Variants in LOC400499 observed in about 807,000 individuals in gnomAD.
At chr16:11,427,297 G>A in the LOC400499 span, among the ~76,000 whole-genome samples, 1 of 134,790 alleles carries the variant, frequency 7.4e-6, no homozygotes, top group Non-Finnish European at 1.5e-5. Flanking sequence ...GCGGTAAGCT[G>A]AGATGGCGCC....
the LOC400499 span, among the ~76,000 whole-genome samples, chr16:11,377,853 A>G: frequency 1.3e-5 from 2 of 152,236 alleles, no homozygotes; most frequent in South Asian, 4.1e-4. Flanking sequence ...TTGGAAGAAT[A>G]TGAGCAGGAT....
chr16:11,496,460 T>C, the LOC400499 span, among the ~76,000 whole-genome samples: 1 of 152,262 alleles, frequency 6.6e-6, no homozygotes, highest in Non-Finnish European at 1.5e-5. Context: ...GGTGTGAACA[T>C]AAGCATCTGT....
chr16:11,500,700 A>G, the LOC400499 span: 1 of 396,896 alleles, frequency 2.5e-6, no homozygotes, highest in South Asian at 1.4e-4. Flanking sequence ...TGCTTATCCT[A>G]CGAGGGGCTG....
chr16:11,395,189 T>C, the LOC400499 span, among the ~76,000 whole-genome samples: 2 of 152,206 alleles, frequency 1.3e-5, no homozygotes, highest in Admixed American at 6.5e-5. Flanking sequence ...GCAAGGGCCA[T>C]GCCTGCCTCT....
At chr16:11,389,731 A>G in the LOC400499 span, among the ~76,000 whole-genome samples, 1 of 150,848 alleles carries the variant, frequency 6.6e-6, no homozygotes. Context: ...AAAAGCAAGG[A>G]AATGTGACAG....
chr16:11,430,635 T>C, the LOC400499 span, among the ~76,000 whole-genome samples: 3 of 152,222 alleles, frequency 2.0e-5, no homozygotes, highest in Admixed American at 2.0e-4. Flanking sequence ...AACTGATTAA[T>C]CTGGGCAAAG....
chr16:11,412,801 T>C, the LOC400499 span: 2 of 398,662 alleles, frequency 5.0e-6, no homozygotes, highest in African/African-American at 4.1e-5. Context: ...CAGTCAATGG[T>C]TCCTCCCCCG....
chr16:11,455,126 C>T, the LOC400499 span, among the ~76,000 whole-genome samples: 3 of 151,964 alleles, frequency 2.0e-5, no homozygotes, highest in Non-Finnish European at 4.4e-5. Flanking sequence ...AATTACAAAA[C>T]TCCAGAAAAA....
the LOC400499 span, among the ~76,000 whole-genome samples, chr16:11,502,683 C>T: frequency 1.3e-5 from 2 of 150,840 alleles, no homozygotes; most frequent in African/African-American, 4.9e-5. Flanking sequence ...GGCGCAATCT[C>T]GGCTCACGGC....
the LOC400499 span, among the ~76,000 whole-genome samples, chr16:11,523,772 C>G: frequency 3.3e-5 from 5 of 151,980 alleles, no homozygotes; most frequent in Non-Finnish European, 7.4e-5. Context: ...TCCAATATGT[C>G]AGCAAGCTCT....
the LOC400499 span, among the ~76,000 whole-genome samples, chr16:11,395,139 C>A: frequency 1.3e-5 from 2 of 152,134 alleles, no homozygotes; most frequent in East Asian, 3.9e-4. Context: ...CTGGATGGCT[C>A]CCAGCATCTG....
the LOC400499 span, among the ~76,000 whole-genome samples, chr16:11,422,897 G>C: frequency 6.6e-6 from 1 of 152,324 alleles, no homozygotes; most frequent in South Asian, 2.1e-4. Context: ...ACAGAGGTGG[G>C]CTTGCAACCC....
chr16:11,441,129 T>C, the LOC400499 span: 6 of 398,670 alleles, frequency 1.5e-5, no homozygotes, highest in Non-Finnish European at 2.2e-5. Context: ...CATCTCTATG[T>C]GCCTGCAGAA....
At chr16:11,427,163 G>T in the LOC400499 span, among the ~76,000 whole-genome samples, 19 of 151,306 alleles carry the variant, frequency 1.3e-4, no homozygotes, top group Admixed American at 9.2e-4. Flanking sequence ...TTCAAGACCA[G>T]CCTGACCAAC....
chr16:11,399,805 G>A, the LOC400499 span: 1 of 398,924 alleles, frequency 2.5e-6, no homozygotes, highest in Non-Finnish European at 4.4e-6. Flanking sequence ...TCTGTTCCAG[G>A]TGAGCTGCAC....
the LOC400499 span, chr16:11,518,968 G>C: frequency 1.8e-5 from 7 of 398,858 alleles, no homozygotes; most frequent in African/African-American, 1.2e-4. Flanking sequence ...GGAAGTCTTG[G>C]AGCTGAAGCA....
chr16:11,397,751 G>GAGGGAGGC, the LOC400499 span, among the ~76,000 whole-genome samples: 2 of 59,140 alleles, frequency 3.4e-5, 1 homozygote, highest in East Asian at 1.2e-3. Flanking sequence ...TGGAGGGAGG[G>GAGGGAGGC]AGGGATGGAG....
At chr16:11,437,402 T>A in the LOC400499 span, among the ~76,000 whole-genome samples, 1 of 151,976 alleles carries the variant, frequency 6.6e-6, no homozygotes, top group Non-Finnish European at 1.5e-5. Flanking sequence ...CTACAAAAAA[T>A]TAAAACATTA....
the LOC400499 span, among the ~76,000 whole-genome samples, chr16:11,494,998 C>A: frequency 6.6e-6 from 1 of 152,172 alleles, no homozygotes; most frequent in Non-Finnish European, 1.5e-5. Flanking sequence ...CACCTGAGGT[C>A]AGGAGTTCGA....
Sources: allele counts gnomAD v4.1 joint callset (sites outside exome capture counted in the v4.1 genomes callset), GRCh38; gene constraint gnomAD v4.1.1; transcripts MANE v1.5.